LYPD6: variants seen among roughly 807,000 people sequenced by gnomAD.
LYPD6 encodes ly6/PLAUR domain-containing protein 6.
In LYPD6, 15 loss-of-function variants were observed where a neutral mutation model predicts 22.7. The observed-to-expected ratio is 0.66, with a 90% confidence interval of 0.44 to 1.02. LYPD6 has a LOEUF of 1.02. LYPD6 is among the 50% of genes least tolerant of loss of function. The probability of loss-of-function intolerance (pLI) is 0.00; values close to 1 mark genes in which losing one functional copy is unlikely to be tolerated. For missense variants in LYPD6, 189 were observed against 208.4 expected, an observed-to-expected ratio of 0.91 and a Z score of 0.57; for synonymous variants, 72 against 77.5, an observed-to-expected ratio of 0.93 and a Z score of 0.37.
At chr2:149,415,892 G>A (rs1165762707) in intron 1 of LYPD6, among the ~76,000 whole-genome samples, 1 of 151,864 alleles carries the variant, frequency 6.6e-6, no homozygotes, top group Non-Finnish European at 1.5e-5. Context: ...ATGTTGCCCA[G>A]GCTGGTCTTG....
At position 149,331,259 on chromosome 2, in the gene LYPD6, C is replaced by T. The variant is rs556417692; in HGVS notation, c.-72+537C>T. Among the ~76,000 whole-genome samples the T allele has an allele frequency of 7.1e-4, 108 of 152,342 alleles. No individual in the cohort carries two copies. The Middle Eastern group carries it at 0.014, about 19-fold the overall frequency. ...GACCACGCTAGGCCTTTCAGCCATCCACCCCGACAACCCAGGGAAGGGACC... is the reference window on the plus strand; with the variant it reads ...GACCACGCTAGGCCTTTCAGCCATCTACCCCGACAACCCAGGGAAGGGACC... On this transcript the variant is annotated intron_variant, in intron 1 of 4. Transcript: ENST00000334166.
intron 3 of LYPD6, among the ~76,000 whole-genome samples, chr2:149,461,678 A>G (rs925257801): frequency 6.6e-6 from 1 of 152,046 alleles, no homozygotes; most frequent in African/African-American, 2.4e-5. Flanking sequence ...AATAGAATGT[A>G]GCAATATATG....
At chr2:149,445,449 T>A (rs1558810714) in intron 2 of LYPD6, among the ~76,000 whole-genome samples, 1 of 152,250 alleles carries the variant, frequency 6.6e-6, no homozygotes, top group African/African-American at 2.4e-5. Flanking sequence ...AGATGTCATC[T>A]TCTTCCAATA....
At chr2:149,431,416 A>C (rs573755669) in intron 1 of LYPD6, among the ~76,000 whole-genome samples, 1 of 152,346 alleles carries the variant, frequency 6.6e-6, no homozygotes, top group South Asian at 2.1e-4. Flanking sequence ...TCCATCAACT[A>C]CTGAGAATCT....
chr2:149,437,869 A>G (rs547403784), intron 2 of LYPD6, 43 bp downstream of exon 2: 3 of 1,603,962 alleles, frequency 1.9e-6, no homozygotes, highest in East Asian at 2.2e-5. Context: ...CTTTATTTCA[A>G]ATAAGAAGTG....
intron 1 of LYPD6, among the ~76,000 whole-genome samples, chr2:149,382,544 C>CAGAAT (rs1682089970): frequency 6.6e-6 from 1 of 152,030 alleles, no homozygotes; most frequent in Non-Finnish European, 1.5e-5. Context: ...ATTCTGTGGC[C>CAGAAT]CTATATCATG....
chr2:149,330,699 G>T lies in LYPD6; in HGVS notation c.-95G>T. The T allele has an allele frequency of 6.6e-6, 1 of 151,906 alleles. No individual in the cohort carries two copies. Among genetic ancestry groups the T allele is most frequent in the South Asian group, 2.1e-4 (1 of 4,820 alleles). 9.4% of individuals were successfully genotyped at this position (151,906 alleles called of 1,614,324 possible). ...GATGGGGCAGCGGGCTGCAGCTGGC[G>T]GCCGGAATCCGCGCGCAGCCCGGGT... On this transcript the variant is annotated 5_prime_UTR_variant, in exon 1 of 5. Transcript: ENST00000334166.
intron 1 of LYPD6, among the ~76,000 whole-genome samples, chr2:149,380,891 A>C (rs987824532): frequency 6.6e-6 from 1 of 152,194 alleles, no homozygotes; most frequent in Non-Finnish European, 1.5e-5. Flanking sequence ...GGAAGGTGAG[A>C]AAAAGCAACC....
At chr2:149,465,520 GTA>G (rs1312131162) in intron 3 of LYPD6, among the ~76,000 whole-genome samples, 1 of 152,084 alleles carries the variant, frequency 6.6e-6, no homozygotes, top group African/African-American at 2.4e-5. Context: ...TTATCAACCT[GTA>G]TGTTTGTGAA....
chr2:149,446,036 G>A (rs1262208876), intron 2 of LYPD6, among the ~76,000 whole-genome samples: 1 of 152,002 alleles, frequency 6.6e-6, no homozygotes, highest in Non-Finnish European at 1.5e-5. Context: ...GATACTAGTT[G>A]GCCTAATTTC....
At chr2:149,484,169 A>G in the LYPD6 span, among the ~76,000 whole-genome samples, 1 of 152,226 alleles carries the variant, frequency 6.6e-6, no homozygotes, top group Non-Finnish European at 1.5e-5. Flanking sequence ...AGTACTGTCA[A>G]CTGATTTAGG....
intron 1 of LYPD6, among the ~76,000 whole-genome samples, chr2:149,356,437 C>T (rs1267526645): frequency 6.6e-6 from 1 of 152,162 alleles, no homozygotes; most frequent in African/African-American, 2.4e-5. Flanking sequence ...GTTTTCCTTC[C>T]CTACATGGAC....
intron 3 of LYPD6, among the ~76,000 whole-genome samples, chr2:149,467,121 G>A (rs1382747696): frequency 6.6e-6 from 1 of 152,134 alleles, no homozygotes; most frequent in African/African-American, 2.4e-5. Context: ...GATAGTTTAG[G>A]GCTTTGGGAT....
intron 1 of LYPD6, among the ~76,000 whole-genome samples, chr2:149,414,027 A>G (rs927150007): frequency 1.3e-5 from 2 of 152,210 alleles, no homozygotes; most frequent in African/African-American, 4.8e-5. Flanking sequence ...CAATCTCAGA[A>G]TCTATGGCCA....
intron 1 of LYPD6, among the ~76,000 whole-genome samples, chr2:149,396,585 C>G (rs1408296939): frequency 6.6e-6 from 1 of 152,090 alleles, no homozygotes; most frequent in African/African-American, 2.4e-5. Context: ...TCCCCTGTCC[C>G]TGGAGATCTC....
At chr2:149,387,680 C>G (rs747182512) in intron 1 of LYPD6, among the ~76,000 whole-genome samples, 22 of 152,180 alleles carry the variant, frequency 1.4e-4, no homozygotes, top group Admixed American at 1.2e-3. Context: ...ATAGGGCAGA[C>G]AATGAGCACG....
At chr2:149,358,672 A>AAT (rs913170941) in intron 1 of LYPD6, among the ~76,000 whole-genome samples, 167 of 151,140 alleles carry the variant, frequency 1.1e-3, no homozygotes, top group Non-Finnish European at 1.4e-3. Context: ...ATATTTTCTA[A>AAT]ATATATATAT....
At chr2:149,443,661 G>A (rs1010934089) in intron 2 of LYPD6, among the ~76,000 whole-genome samples, 4 of 152,084 alleles carry the variant, frequency 2.6e-5, no homozygotes, top group African/African-American at 9.6e-5. Context: ...TATTTTATAT[G>A]ATTAATTAAA....
At position 149,436,657 on chromosome 2, in the gene LYPD6, G is replaced by T. The variant is rs373230495; in HGVS notation, c.-71-981G>T. Among the ~76,000 whole-genome samples, 129 of 152,168 alleles carry T rather than the reference G, an allele frequency of 8.5e-4. No homozygotes were observed. The South Asian group carries it at 1.0e-2, about 12-fold the overall frequency. On this transcript the variant is annotated intron_variant, in intron 1 of 4. Transcript: ENST00000334166. ...TGCAATGGCACAAAGTCAGCTCACT[G>T]CAACCTCTGCCTCCCAGGTTTAAGC...
Sources: allele counts gnomAD v4.1 joint callset (sites outside exome capture counted in the v4.1 genomes callset), GRCh38; gene constraint gnomAD v4.1.1; transcripts MANE v1.5; gene names NCBI Gene and HGNC (gene_info 2026-07-23, HGNC 2026-07-21).